POLQ: variants seen among roughly 807,000 people sequenced by gnomAD.
POLQ encodes DNA polymerase theta, also known as epididymis secretory sperm binding protein.
A neutral mutation model predicts 259.2 loss-of-function variants in POLQ; 233 were observed. The ratio of observed to expected loss-of-function variants is 0.90; its 90% confidence interval spans 0.81 to 1.00. The LOEUF (loss-of-function observed/expected upper bound fraction) is 1.00. Ranked by LOEUF, POLQ falls within the 50% of genes least tolerant of loss-of-function variation. The pLI, the probability that POLQ is intolerant of heterozygous loss-of-function variation, is 0.00. For synonymous variants in POLQ, 1,025 were observed against 1,048.8 expected, an observed-to-expected ratio of 0.98 and a Z score of 0.44; for missense variants, 2,871 against 3,051.6, an observed-to-expected ratio of 0.94 and a Z score of 1.39.
intron 28 of POLQ, among the ~76,000 whole-genome samples, chr3:121,434,983 C>A (rs537836698): frequency 6.6e-6 from 1 of 152,034 alleles, no homozygotes; most frequent in African/African-American, 2.4e-5. Context: ...ATGGTGAAAC[C>A]CCCTCTCTAC....
rs1014994381 is a variant in POLQ at position 121,481,725 on chromosome 3, G to C, written c.6058C>G (p.Leu2020Val). The part of the protein sequence containing the change: ...TSFLPHELPL[L>V]EGMETSQGIQ... The stretch of plus-strand genomic sequence containing the variant: ...CCTTGGCTGGTCTCCATCCCTTCTA[G>C]GAGTGGAAGCTCATGAGGAAGAAAA... The change falls in exon 19 of 30, where the codon CTA (leucine) becomes GTA (valine). Residue 2020 changes from leucine (L) to valine (V), a missense_variant. Coordinates refer to ENST00000264233, the MANE Select transcript of POLQ (RefSeq NM_199420.4). The C allele has an allele frequency of 1.2e-6, 2 of 1,613,932 alleles. No individual in the cohort carries two copies. Among genetic ancestry groups the C allele is most frequent in the African/African-American group, 2.7e-5 (2 of 74,896 alleles).
Position 121,476,668 on chromosome 3 carries a change from C to T in POLQ, c.6277G>A (p.Gly2093Ser). Residue 2093 changes from glycine (G) to serine (S), a missense_variant, in exon 20 of 30, where the codon GGC (glycine) becomes AGC (serine). By Grantham distance (56) the Gly-to-Ser change is moderately conservative (BLOSUM62 0). This residue lies in a region of POLQ where 2,080 missense variants were observed against 2,126.0 expected (regional missense o/e 0.98). Transcript: ENST00000264233. The stretch of plus-strand genomic sequence containing the variant: ...CTTTCACATTCTGCAGTACTAAAGC[C>T]AATTCCATTTAGTTCTAGCAAGGCC... Reference protein sequence around the residue: ...CLALLELNGIGFSTAECESQK... With the variant: ...CLALLELNGISFSTAECESQK... The T allele has an allele frequency of 6.2e-7, 1 of 1,613,002 alleles. No homozygotes were observed. The highest frequency in any genetic ancestry group is 8.5e-7 in the Non-Finnish European group (1 of 1,179,038).
chr3:121,478,632 T>C (rs2047946198), intron 19 of POLQ, among the ~76,000 whole-genome samples: 1 of 150,292 alleles, frequency 6.7e-6, no homozygotes, highest in Admixed American at 6.6e-5. Flanking sequence ...AGCTATACTT[T>C]GTTTATAAGA....
intron 24 of POLQ, among the ~76,000 whole-genome samples, 168 bp from the exon 25 acceptor site, chr3:121,460,402 T>C (rs2047782546): frequency 6.6e-6 from 1 of 152,194 alleles, no homozygotes; most frequent in African/African-American, 2.4e-5. Flanking sequence ...GGAATTCAGC[T>C]CTGTATCTTA....
At chr3:121,544,278 G>A (rs1283835200) in intron 2 of POLQ, among the ~76,000 whole-genome samples, 1 of 152,074 alleles carries the variant, frequency 6.6e-6, no homozygotes, top group Admixed American at 6.6e-5. Context: ...ACTTGAACCT[G>A]GGAGGTGGAA....
chr3:121,510,269 T>C, intron 10 of POLQ, 26 bp from the exon 11 acceptor site: 1 of 1,563,848 alleles, frequency 6.4e-7, no homozygotes, highest in Non-Finnish European at 8.8e-7. Flanking sequence ...TGGAAATTTC[T>C]GTAGCTTTTT....
At chr3:121,514,146 T>C (rs1282749782) in intron 9 of POLQ, among the ~76,000 whole-genome samples, 2 of 145,092 alleles carry the variant, frequency 1.4e-5, no homozygotes, top group African/African-American at 5.1e-5. Context: ...CTAACCAACA[T>C]GGTGAAACCC....
intron 19 of POLQ, among the ~76,000 whole-genome samples, chr3:121,479,036 T>C (rs962966453): frequency 2.6e-5 from 4 of 152,194 alleles, no homozygotes; most frequent in Non-Finnish European, 5.9e-5. Flanking sequence ...AATGAATCGT[T>C]GGCTAAAAAT....
rs2048040415 is a variant in POLQ at position 121,489,085 on chromosome 3, A to C, written c.3846T>G (p.His1282Gln). 1.2e-6 allele frequency: 2 copies of C among 1,613,482 alleles called. No homozygotes were observed. The highest frequency in any genetic ancestry group is 1.7e-6 in the Non-Finnish European group (2 of 1,179,578). Reference protein sequence around the residue: ...AGAFSKSEGQHENFLNISRLQ... With the variant: ...AGAFSKSEGQQENFLNISRLQ... ...GTCTAGAAATATTTAGAAAATTCTC[A>C]TGCTGGCCTTCTGATTTGCTAAATG... is the stretch of plus-strand genomic sequence containing the variant. The change falls in exon 16 of 30, where the codon CAT (histidine) becomes CAG (glutamine). Residue 1282 changes from histidine (H) to glutamine (Q), a missense_variant. Coordinates refer to ENST00000264233, the MANE Select transcript of POLQ (RefSeq NM_199420.4).
intron 20 of POLQ, among the ~76,000 whole-genome samples, chr3:121,475,598 T>C (rs2047918819): frequency 6.6e-6 from 1 of 152,206 alleles, no homozygotes; most frequent in Non-Finnish European, 1.5e-5. Context: ...TCTCAAGTTA[T>C]ATATTTAGAA....
At chr3:121,526,824 TAG>T (rs1333681345) in intron 7 of POLQ, among the ~76,000 whole-genome samples, 5 of 152,180 alleles carry the variant, frequency 3.3e-5, no homozygotes, top group African/African-American at 1.2e-4. Flanking sequence ...CAAATCGTAG[TAG>T]AGTCTATAGG....
chr3:121,496,968 C>T (rs750158860), intron 13 of POLQ, 36 bp from the exon 14 acceptor site: 16 of 1,608,066 alleles, frequency 9.9e-6, no homozygotes. Context: ...GTAAGAGATC[C>T]TTCACGTCTA....
intron 7 of POLQ, among the ~76,000 whole-genome samples, chr3:121,523,609 G>A (rs536225871): frequency 2.0e-5 from 3 of 152,176 alleles, no homozygotes; most frequent in African/African-American, 7.2e-5. Flanking sequence ...CAGCTACTCG[G>A]GAGGCTGAAG....
rs2048102680 is a variant in POLQ, at chr3:121,494,836, T to C, written c.2279-1115A>G. 3.2e-6 allele frequency: 5 copies of C among 1,580,146 alleles called. No individual in the cohort carries two copies. The African/African-American group carries it at 4.0e-5, about 13-fold the overall frequency. On this transcript the variant is annotated intron_variant, in intron 14 of 29. Coordinates refer to ENST00000264233, the MANE Select transcript of POLQ (RefSeq NM_199420.4). ...GTCACTGGGGCGGCAACGTCCTGGG[T>C]CCTAAGTCTGTGGCTCGTATCACCA...
chr3:121,465,556 C>G (rs1311639138), intron 24 of POLQ, among the ~76,000 whole-genome samples: 1 of 152,070 alleles, frequency 6.6e-6, no homozygotes, highest in Non-Finnish European at 1.5e-5. Flanking sequence ...TTTTTGGCAA[C>G]TCTGAGTGGA....
chr3:121,482,059 C>A lies in POLQ; in HGVS notation c.5971-247G>T, dbSNP rs116345605. ...CTATTCCATTCCTACAATGCTCAGG[C>A]CGATCCAGTTTAGCAGTAGGCTTGA... is the stretch of plus-strand genomic sequence containing the variant. On this transcript the variant is annotated intron_variant, in intron 18 of 29. Coordinates refer to ENST00000264233, the MANE Select transcript of POLQ (RefSeq NM_199420.4). Among the ~76,000 whole-genome samples, 918 of 152,228 alleles carry A rather than the reference C, an allele frequency of 6.0e-3. 8 individuals carry two copies. Among genetic ancestry groups the A allele is most frequent in the African/African-American group, 0.02 (845 of 41,532 alleles).
In POLQ at chr3:121,436,275, C is replaced by T. The variant is rs41540016; in HGVS notation, c.7390G>A (p.Ala2464Thr). The T allele has an allele frequency of 0.019, 29,860 of 1,613,160 alleles. 314 individuals carry two copies. The highest frequency in any genetic ancestry group is 0.022 in the Non-Finnish European group (26,394 of 1,179,460). Reference protein sequence around the residue: ...KDNNPYRKAHAERQAINTIVQ... With the variant: ...KDNNPYRKAHTERQAINTIVQ... ...ATTGTGTTGATAGCTTGACGCTCAGCCTAGAAAAAACAATCAACAGGTGCT... is the reference window on the plus strand; with the variant it reads ...ATTGTGTTGATAGCTTGACGCTCAGTCTAGAAAAAACAATCAACAGGTGCT... The change falls in exon 28 of 30, where the codon GCT becomes ACT. Residue 2464 changes from alanine (A) to threonine (T), a missense_variant and splice_region_variant. Transcript: ENST00000264233.
At chr3:121,495,717 C>T (rs1320992292) in intron 14 of POLQ, among the ~76,000 whole-genome samples, 2 of 151,028 alleles carry the variant, frequency 1.3e-5, no homozygotes, top group African/African-American at 4.9e-5. Context: ...GGCGTGGTGC[C>T]GGGCACCTGT....
chr3:121,501,127 C>T (rs1486899020), intron 12 of POLQ, among the ~76,000 whole-genome samples: 4 of 151,846 alleles, frequency 2.6e-5, no homozygotes, highest in African/African-American at 9.7e-5. Context: ...CCACACCTGG[C>T]TAATTTTTGT....
Sources: allele counts gnomAD v4.1 joint callset (sites outside exome capture counted in the v4.1 genomes callset), GRCh38; gene constraint gnomAD v4.1.1; regional missense constraint gnomAD v4.1.1; transcripts MANE v1.5; gene names NCBI Gene and HGNC (gene_info 2026-07-23, HGNC 2026-07-21).